The following SSBP3 variants were observed in gnomAD, a reference collection of about 807,000 sequenced individuals.
The protein encoded by SSBP3 is single stranded DNA binding protein 3.
Under a neutral mutation model 69.6 loss-of-function variants are expected in SSBP3, and 5 were observed. The observed-to-expected ratio is 0.07, with a 90% CI of 0.04 to 0.15. The LOEUF (loss-of-function observed/expected upper bound fraction) is 0.15, where lower values mean the gene tolerates loss of function less well. Among genes scored for constraint, SSBP3 ranks in the 10% least tolerant of loss-of-function variants. The probability of loss-of-function intolerance (pLI) is 1.00; values close to 1 mark genes in which losing one functional copy is unlikely to be tolerated. For synonymous variants in SSBP3, 196 were observed against 193.4 expected (o/e 1.01, Z -0.11); for missense variants, 312 against 534.0 (o/e 0.58, Z 4.10).
chr1:54,276,601 T>TC (rs1280722914), intron 5 of SSBP3, among the ~76,000 whole-genome samples: 3 of 62,860 alleles, frequency 4.8e-5, no homozygotes, highest in Admixed American at 2.5e-4. Flanking sequence ...AGAGTGAGAC[T>TC]CTGTCTCAAA....
At chr1:54,255,249 G>T (rs1268807395) in intron 7 of SSBP3, among the ~76,000 whole-genome samples, 1 of 152,090 alleles carries the variant, frequency 6.6e-6, no homozygotes, top group Non-Finnish European at 1.5e-5. Flanking sequence ...GCTCTTGAGT[G>T]GTTGCTCATG....
chr1:54,270,162 T>G (rs1048803429), intron 5 of SSBP3, among the ~76,000 whole-genome samples: 3 of 152,220 alleles, frequency 2.0e-5, no homozygotes, highest in Non-Finnish European at 4.4e-5. Flanking sequence ...CAGGGAGAGC[T>G]GCTTCTGCTT....
chr1:54,283,718 T>C (rs1332184271), intron 4 of SSBP3, among the ~76,000 whole-genome samples: 1 of 152,262 alleles, frequency 6.6e-6, no homozygotes, highest in Non-Finnish European at 1.5e-5. Context: ...AGAGCTATCC[T>C]GCTAACCATC....
intron 4 of SSBP3, among the ~76,000 whole-genome samples, chr1:54,371,787 T>G (rs1213693215): frequency 6.6e-6 from 1 of 152,116 alleles, no homozygotes; most frequent in Admixed American, 6.6e-5. Context: ...GCTCCTGGCC[T>G]CAAAAACGAA....
At chr1:54,246,072 T>C (rs1644729319) in intron 9 of SSBP3, among the ~76,000 whole-genome samples, 3 of 152,192 alleles carry the variant, frequency 2.0e-5, no homozygotes, top group African/African-American at 7.2e-5. Context: ...TCCCCTCTGC[T>C]GTGCTGCCTT....
chr1:54,370,317 C>T (rs1647107266), intron 4 of SSBP3, among the ~76,000 whole-genome samples: 2 of 152,190 alleles, frequency 1.3e-5, no homozygotes, highest in South Asian at 4.1e-4. Flanking sequence ...GTCTGTGACT[C>T]CGATGACAAC....
At position 54,277,154 on chromosome 1, in the gene SSBP3, T is replaced by C. The variant is rs1381896676; in HGVS notation, c.366+4284A>G. ...TCTCCCCATCTATAAATGAGAAGCTTGGACTACATCAGGGATGGCAAAGAG... is the reference window on the plus strand; with the variant it reads ...TCTCCCCATCTATAAATGAGAAGCTCGGACTACATCAGGGATGGCAAAGAG... On this transcript the variant is annotated intron_variant, in intron 5 of 17. Transcript: ENST00000610401. Among the ~76,000 whole-genome samples the C allele has an allele frequency of 4.6e-5, 7 of 152,104 alleles. No homozygotes were observed. In the South Asian group the frequency reaches 1.5e-3, roughly 32 times the overall value.
rs374080967 is a variant in SSBP3, at chr1:54,251,855, C to T, written c.513G>A (p.Pro171=). 87 of 1,611,364 alleles carry T rather than the reference C, an allele frequency of 5.4e-5. No homozygotes were observed. Among genetic ancestry groups the T allele is most frequent in the East Asian group, 3.6e-4 (16 of 44,874 alleles). Residue 171 remains proline, a synonymous_variant, in exon 8 of 18, where the codon CCG becomes CCA. Transcript: ENST00000610401. ...ATGGCTGTGTCCCAGGAACTCCTCCCGGAGGCTGAAAGAGATGCAAGACAC... is the reference window on the plus strand; with the variant it reads ...ATGGCTGTGTCCCAGGAACTCCTCCTGGAGGCTGAAAGAGATGCAAGACAC...
intron 4 of SSBP3, among the ~76,000 whole-genome samples, chr1:54,348,910 G>A (rs549125957): frequency 3.9e-5 from 6 of 152,300 alleles, no homozygotes; most frequent in East Asian, 3.9e-4. Flanking sequence ...AAATTAGGCC[G>A]GTAAAGCCTG....
chr1:54,274,141 G>C (rs962629346), intron 5 of SSBP3, among the ~76,000 whole-genome samples: 2 of 152,228 alleles, frequency 1.3e-5, no homozygotes, highest in African/African-American at 4.8e-5. Context: ...CTGCAGGGAA[G>C]CAGAGAGGGC....
At chr1:54,306,281 C>G (rs914651729) in intron 4 of SSBP3, among the ~76,000 whole-genome samples, 3 of 152,214 alleles carry the variant, frequency 2.0e-5, no homozygotes, top group African/African-American at 7.2e-5. Context: ...TGATAACGCA[C>G]AGCTTGGTGT....
At chr1:54,237,870 T>C in intron 14 of SSBP3, 1 of 335,896 alleles carries the variant, frequency 3.0e-6, no homozygotes, top group Non-Finnish European at 5.9e-6. Flanking sequence ...TGATCCATGG[T>C]GAATCACAAG....
rs869039822 is a variant in SSBP3, at chr1:54,337,485, C to CTTTTTTTT, written c.277-55966_277-55959dup. ...ACCAAAGCATTTTGTTTTCCTCAAGCTTTTTTTTTTTTTTTTTTTTTTTTT... is the reference window on the plus strand; with the variant it reads ...ACCAAAGCATTTTGTTTTCCTCAAGCTTTTTTTTTTTTTTTTTTTTTTTTTTTTTTTTT... On this transcript the variant is annotated intron_variant, in intron 4 of 17. Transcript: ENST00000610401. Among the ~76,000 whole-genome samples, 249 of 51,168 alleles carry CTTTTTTTT rather than the reference C, an allele frequency of 4.9e-3. 53 individuals are homozygous for CTTTTTTTT. Among genetic ancestry groups the CTTTTTTTT allele is most frequent in the East Asian group, 0.021 (23 of 1,072 alleles). The allele number at this position is 51,168 out of a possible 152,430, so 33.6% of individuals were successfully genotyped here.
rs989257656 is a variant in SSBP3 at position 54,318,602 on chromosome 1, G to A, written c.277-37075C>T. ...AAAGCTTTCCAAGCAGCTCTCTGCC[G>A]AGTCTCACCTCCTGGTGGAGGAGCT... On this transcript the variant is annotated intron_variant, in intron 4 of 17. Coordinates refer to ENST00000610401, the Ensembl canonical transcript of SSBP3. Among the ~76,000 whole-genome samples, 7 of 152,198 alleles carry A rather than the reference G, an allele frequency of 4.6e-5. No individual in the cohort carries two copies. The East Asian group carries it at 1.4e-3, about 29-fold the overall frequency.
At chr1:54,278,889 G>A (rs1645339371) in intron 5 of SSBP3, among the ~76,000 whole-genome samples, 1 of 152,248 alleles carries the variant, frequency 6.6e-6, no homozygotes, top group African/African-American at 2.4e-5. Context: ...CAATACTAGT[G>A]AAGGGCAGGG....
intron 2 of SSBP3, 64 bp downstream of exon 2, chr1:54,404,794 G>A: frequency 2.4e-6 from 2 of 844,266 alleles, no homozygotes. Flanking sequence ...TGAAAACAAA[G>A]GCTCTAAGAA....
In SSBP3 at chr1:54,387,369, G is replaced by T. The variant is rs183909663; in HGVS notation, c.276+14492C>A. 3.6e-4 allele frequency among the ~76,000 whole-genome samples: 55 copies of T among 152,306 alleles called. 1 individual carries two copies. Among genetic ancestry groups the T allele is most frequent in the South Asian group, 3.1e-3 (15 of 4,820 alleles). ...CAAAAACCAAGCCATGCCTCTTCAA[G>T]AAAGGAAGGATTTCCAACTAACCCT... On this transcript the variant is annotated intron_variant, in intron 4 of 17. Coordinates refer to ENST00000610401, the Ensembl canonical transcript of SSBP3.
intron 5 of SSBP3, among the ~76,000 whole-genome samples, chr1:54,260,678 A>G (rs1020403009): frequency 4.6e-5 from 7 of 152,226 alleles, no homozygotes; most frequent in Admixed American, 1.3e-4. Flanking sequence ...CAAGAAAAAA[A>G]GCTGACAAGC....
chr1:54,322,350 G>A (rs1171016513), intron 4 of SSBP3, among the ~76,000 whole-genome samples: 2 of 152,202 alleles, frequency 1.3e-5, no homozygotes, highest in African/African-American at 2.4e-5. Context: ...GGGTTGAGGT[G>A]CAGGAGAGGT....
Sources: gnomAD v4.1 joint callset for allele counts (sites outside exome capture counted in the v4.1 genomes callset) on GRCh38, gnomAD v4.1.1 for gene constraint, MANE v1.5 for transcripts, NCBI Gene and HGNC (gene_info 2026-07-23, HGNC 2026-07-21) for gene names.